PPP4R2: variants seen among roughly 807,000 people sequenced by gnomAD.
PPP4R2 encodes the protein protein phosphatase 4 regulatory subunit 2, also known as serine/threonine-protein phosphatase 4 regulatory subunit 2.
A neutral mutation model predicts 47.2 loss-of-function variants in PPP4R2; 13 were observed. That is an observed-to-expected ratio of 0.28 (90% CI 0.18 to 0.44). The LOEUF (loss-of-function observed/expected upper bound fraction) is 0.44, where lower values mean the gene tolerates loss of function less well. PPP4R2 is among the 20% of genes least tolerant of loss of function. PPP4R2 has a pLI of 1.00. For synonymous variants in PPP4R2, 151 were observed against 163.3 expected (o/e 0.92, Z 0.57); for missense variants, 421 against 491.2 (o/e 0.86, Z 1.35).
chr3:73,060,833 CT>C (rs1261435054), intron 4 of PPP4R2, among the ~76,000 whole-genome samples, 189 bp from the exon 5 acceptor site: 1 of 151,930 alleles, frequency 6.6e-6, no homozygotes, highest in Non-Finnish European at 1.5e-5. Flanking sequence ...AGGATATTCT[CT>C]TTTGGTCCTT....
intron 5 of PPP4R2, chr3:73,062,110 A>G (rs1702872637): frequency 1.3e-6 from 2 of 1,546,448 alleles, no homozygotes; most frequent in Non-Finnish European, 1.7e-6. Flanking sequence ...TTGTATGCTT[A>G]TGTTAATTCT....
intron 2 of PPP4R2, among the ~76,000 whole-genome samples, chr3:73,014,044 T>C (rs1172220542): frequency 2.3e-5 from 3 of 130,426 alleles, no homozygotes; most frequent in East Asian, 2.0e-4. Context: ...CCTGTCTTCT[T>C]TGATGGTTTT....
intron 2 of PPP4R2, among the ~76,000 whole-genome samples, chr3:73,032,816 G>A (rs948682822): frequency 3.3e-5 from 5 of 151,738 alleles, no homozygotes; most frequent in African/African-American, 9.7e-5. Flanking sequence ...CAATATATAC[G>A]TTGTCTCTGT....
In PPP4R2 at chr3:73,068,014, T is replaced by C. The variant is rs921137282; in HGVS notation, c.*2292T>C. 1 of 152,200 alleles carries C rather than the reference T, an allele frequency of 6.6e-6. No individual in the cohort carries two copies. The highest frequency in any genetic ancestry group is 2.4e-5 in the African/African-American group (1 of 41,458). The allele number at this position is 152,200 out of a possible 1,614,324, so 9.4% of individuals were successfully genotyped here. A position where few individuals can be genotyped will look rare whatever the true frequency, so the allele number is the denominator to read the frequency against. On this transcript the variant is annotated 3_prime_UTR_variant, in exon 9 of 9. Transcript: ENST00000356692. ...TTGTAGAATGCTCATGGAATATCTT[T>C]AGGGTAGGTGGAATACTTCTGTAGT...
At chr3:73,019,468 G>T (rs1001763365) in intron 2 of PPP4R2, among the ~76,000 whole-genome samples, 3 of 152,096 alleles carry the variant, frequency 2.0e-5, no homozygotes, top group Admixed American at 6.5e-5. Flanking sequence ...CCTCCTCCTG[G>T]GTTCAAGTGA....
In PPP4R2 at chr3:73,062,496, G is replaced by A. The variant is rs755965303; in HGVS notation, c.420-1177G>A. 1.9e-6 allele frequency: 3 copies of A among 1,613,492 alleles called. No homozygotes were observed. The African/African-American group carries it at 4.0e-5, about 22-fold the overall frequency. On this transcript the variant is annotated intron_variant, in intron 5 of 8. Transcript: ENST00000356692. The stretch of plus-strand genomic sequence containing the variant: ...TTTCATATTTGATGGGTTACACCAG[G>A]CATTACTGAGTGTTGGTGTGAGCAA...
In PPP4R2 at chr3:73,062,291, C is replaced by T. The variant is rs35743833; in HGVS notation, c.419+1231C>T. Reference sequence around the variant, plus strand: ...ATGACGCAATGGACAGGAGTGGGCTCCCTGACCTTCAAGGAAGATTTGAGC... The same window carrying T: ...ATGACGCAATGGACAGGAGTGGGCTTCCTGACCTTCAAGGAAGATTTGAGC... On this transcript the variant is annotated intron_variant, in intron 5 of 8. Coordinates refer to ENST00000356692, the MANE Select transcript of PPP4R2 (RefSeq NM_174907.4). The T allele has an allele frequency of 9.4e-4, 1,517 of 1,607,772 alleles. 13 individuals are homozygous for T. The African/African-American group carries it at 0.018, about 20-fold the overall frequency.
intron 4 of PPP4R2, 98 bp from the exon 5 acceptor site, chr3:73,060,925 G>A (rs726029): frequency 0.51 from 376,752 of 741,426 alleles, 97,072 homozygotes; most frequent in African/African-American, 0.62. Flanking sequence ...GAATCAATGG[G>A]AATTTAACCC....
At position 73,066,479 on chromosome 3, in the gene PPP4R2, A is replaced by T. The variant is rs981456997; in HGVS notation, c.*757A>T. On this transcript the variant is annotated 3_prime_UTR_variant, in exon 9 of 9. Coordinates refer to ENST00000356692, the MANE Select transcript of PPP4R2 (RefSeq NM_174907.4). ...CATTCCAAGAGATCTGTTCAAACTC[A>T]AATTCTTTTGTATACTTCTGAGGTG... 10 of 152,110 alleles carry T rather than the reference A, an allele frequency of 6.6e-5. No homozygotes were observed. Among genetic ancestry groups the T allele is most frequent in the African/African-American group, 2.4e-4 (10 of 41,556 alleles). The allele number at this position is 152,110 out of a possible 1,614,324, so 9.4% of individuals were successfully genotyped here.
At chr3:73,023,327 C>T (rs968323593) in intron 2 of PPP4R2, among the ~76,000 whole-genome samples, 3 of 151,860 alleles carry the variant, frequency 2.0e-5, no homozygotes, top group African/African-American at 4.8e-5. Flanking sequence ...GCTCAGATTA[C>T]GGGCATGCGC....
chr3:72,998,386 T>C (rs1159983027), intron 2 of PPP4R2, among the ~76,000 whole-genome samples: 2 of 152,226 alleles, frequency 1.3e-5, no homozygotes, highest in Admixed American at 6.5e-5. Context: ...AAATTTTCTT[T>C]ATAGCTAGGC....
intron 2 of PPP4R2, among the ~76,000 whole-genome samples, chr3:73,044,106 A>C (rs1238971754): frequency 1.3e-5 from 2 of 152,112 alleles, no homozygotes; most frequent in African/African-American, 4.8e-5. Flanking sequence ...GTGTGTGTTT[A>C]TCTCTCACAT....
intron 3 of PPP4R2, among the ~76,000 whole-genome samples, chr3:73,050,613 C>G (rs902405133): frequency 5.9e-5 from 9 of 152,084 alleles, no homozygotes; most frequent in African/African-American, 2.2e-4. Context: ...TTAAAAAGAT[C>G]CCCACTGTTA....
intron 2 of PPP4R2, chr3:73,014,916 C>G: frequency 4.4e-6 from 3 of 677,746 alleles, no homozygotes; most frequent in Non-Finnish European, 8.1e-6. Flanking sequence ...GTTGCCCAGG[C>G]TGGCCTCGAA....
chr3:72,996,812 G>C lies in PPP4R2; in HGVS notation c.-226G>C. The C allele has an allele frequency of 2.6e-6, 1 of 385,522 alleles. No homozygotes were observed. The highest frequency in any genetic ancestry group is 4.6e-6 in the Non-Finnish European group (1 of 216,552). The allele number at this position is 385,522 out of a possible 1,614,324, so 23.9% of individuals were successfully genotyped here. On this transcript the variant is annotated 5_prime_UTR_variant, in exon 1 of 9. Coordinates refer to ENST00000356692, the MANE Select transcript of PPP4R2 (RefSeq NM_174907.4). ...GGAGCGTGCGCGCGGTGACGTACCG[G>C]GCGCCATGTTGGAGGGTTGGTGGTA...
intron 6 of PPP4R2, 101 bp from the exon 7 acceptor site, chr3:73,063,902 A>G (rs73099371): frequency 8.9e-6 from 11 of 1,240,326 alleles, no homozygotes; most frequent in Middle Eastern, 2.4e-4. Context: ...CCTGAAAACA[A>G]AGTTGCAGCA....
At chr3:73,042,228 A>G (rs1246909632) in intron 2 of PPP4R2, among the ~76,000 whole-genome samples, 1 of 152,114 alleles carries the variant, frequency 6.6e-6, no homozygotes, top group Non-Finnish European at 1.5e-5. Flanking sequence ...TTTGATTTTC[A>G]TATTGAAAGC....
At chr3:73,062,828 T>A (rs1328245332) in intron 5 of PPP4R2, 1 of 1,613,800 alleles carries the variant, frequency 6.2e-7, no homozygotes, top group Non-Finnish European at 8.5e-7. Context: ...GACCATGGGT[T>A]GGAGAATTAA....
chr3:73,055,146 G>T (rs1702703307), intron 3 of PPP4R2, among the ~76,000 whole-genome samples: 2 of 152,128 alleles, frequency 1.3e-5, no homozygotes. Flanking sequence ...TATACTTTTG[G>T]TTTTGTTGGT....
Sources: allele counts gnomAD v4.1 joint callset (sites outside exome capture counted in the v4.1 genomes callset), GRCh38; gene constraint gnomAD v4.1.1; transcripts MANE v1.5; gene names NCBI Gene and HGNC (gene_info 2026-07-23, HGNC 2026-07-21).